The following PCDHGA8 variants were observed in gnomAD, a reference collection of about 807,000 sequenced individuals.
The protein encoded by PCDHGA8 is protocadherin gamma-A8.
PCDHGA8 carries 45 observed loss-of-function variants against 59.2 expected under a neutral mutation model. The ratio of observed to expected loss-of-function variants is 0.76; its 90% CI spans 0.60 to 0.98. The LOEUF (loss-of-function observed/expected upper bound fraction) is 0.98, where lower values mean the gene tolerates loss of function less well. Among genes scored for constraint, PCDHGA8 ranks in the 50% least tolerant of loss-of-function variants. The pLI, the probability that PCDHGA8 is intolerant of heterozygous loss-of-function variation, is 0.00. For missense variants in PCDHGA8, 1,257 were observed against 1,196.2 expected (o/e 1.05, Z -0.75); for synonymous variants, 531 against 519.0 (o/e 1.02, Z -0.32).
chr5:141,447,048 A>T (rs149112101), intron 1 of PCDHGA8, among the ~76,000 whole-genome samples: 1 of 152,066 alleles, frequency 6.6e-6, no homozygotes, highest in Non-Finnish European at 1.5e-5. Flanking sequence ...CTGGAATTCT[A>T]TTAAAATGTG....
intron 1 of PCDHGA8, chr5:141,415,483 A>G: frequency 6.2e-7 from 1 of 1,614,212 alleles, no homozygotes; most frequent in South Asian, 1.1e-5. Context: ...CTCGCGAAAG[A>G]GTCACCTGAT....
intron 1 of PCDHGA8, chr5:141,422,942 G>C (rs199976232): frequency 6.2e-7 from 1 of 1,614,214 alleles, no homozygotes; most frequent in East Asian, 2.2e-5. Flanking sequence ...CCCACAGACG[G>C]CTCCACTGGC....
chr5:141,419,018 AG>A (rs2096314197), intron 1 of PCDHGA8: 1 of 1,613,838 alleles, frequency 6.2e-7, no homozygotes, highest in African/African-American at 1.3e-5. Context: ...GTGTAGCTTA[AG>A]TAGAGGTGTT....
intron 1 of PCDHGA8, chr5:141,404,823 G>A (rs1283913930): frequency 6.2e-7 from 1 of 1,610,946 alleles, no homozygotes. Flanking sequence ...CTGCACACAG[G>A]TGAAGTGCGC....
At chr5:141,420,453 C>A (rs1026053173) in intron 1 of PCDHGA8, 76 of 977,580 alleles carry the variant, frequency 7.8e-5, no homozygotes, top group Non-Finnish European at 8.8e-5. Context: ...AGTCTTCCTA[C>A]TATTCAAAGA....
At chr5:141,412,133 C>T (rs2095537829) in intron 1 of PCDHGA8, 1 of 152,184 alleles carries the variant, frequency 6.6e-6, no homozygotes, top group African/African-American at 2.4e-5. Flanking sequence ...GGACTTTGGC[C>T]TCTGATACAA....
chr5:141,436,185 A>G (rs1324749623), intron 1 of PCDHGA8, among the ~76,000 whole-genome samples: 1 of 152,142 alleles, frequency 6.6e-6, no homozygotes, highest in Non-Finnish European at 1.5e-5. Flanking sequence ...ATATAGTCAA[A>G]TAGAAAGAAA....
Position 141,394,547 on chromosome 5 carries a change from G to T in PCDHGA8, c.1734G>T (p.Ala578=), listed in dbSNP as rs771070854. The change falls in exon 1 of 4, where the codon GCG becomes GCT. Residue 578 remains alanine, a synonymous_variant. Coordinates refer to ENST00000398604, the MANE Select transcript of PCDHGA8 (RefSeq NM_032088.2). Reference sequence around the variant, plus strand: ...ACGGTTCCACTGGCGTGGAGCTGGCGCCCCGCTCCGCAGAGCGTGGCTACC... The same window carrying T: ...ACGGTTCCACTGGCGTGGAGCTGGCTCCCCGCTCCGCAGAGCGTGGCTACC... The part of the protein sequence containing the change: ...PTDGSTGVEL[A]PRSAERGYLV... 6 of 1,614,098 alleles carry T rather than the reference G, an allele frequency of 3.7e-6. No individual in the cohort carries two copies. Among genetic ancestry groups the T allele is most frequent in the East Asian group, 2.2e-5 (1 of 44,864 alleles).
At chr5:141,401,656 T>G (rs1400500695) in intron 1 of PCDHGA8, among the ~76,000 whole-genome samples, 1 of 152,248 alleles carries the variant, frequency 6.6e-6, no homozygotes, top group East Asian at 1.9e-4. Context: ...AATGACTGGA[T>G]GTTTTCTCAA....
rs1245526846 is a variant in PCDHGA8, at chr5:141,512,505, C to T, written c.*1332C>T. ...GCCACTGCCCAGGTCCCCAGTGCGCCCCCTAGTGGCCATAGCCTGGTTAAA... is the reference window on the plus strand; with the variant it reads ...GCCACTGCCCAGGTCCCCAGTGCGCTCCCTAGTGGCCATAGCCTGGTTAAA... On this transcript the variant is annotated 3_prime_UTR_variant, in exon 4 of 4. Transcript: ENST00000398604. The T allele has an allele frequency of 1.3e-5, 2 of 152,888 alleles. No individual in the cohort carries two copies. The highest frequency in any genetic ancestry group is 4.8e-5 in the African/African-American group (2 of 41,466). 9.5% of individuals were successfully genotyped at this position (152,888 alleles called of 1,614,324 possible). A position where few individuals can be genotyped will look rare whatever the true frequency, so the allele number is the denominator to read the frequency against.
In PCDHGA8 at chr5:141,393,129, A is replaced by G; in HGVS notation, c.316A>G (p.Ile106Val). ...TCAGAGCCCGCGGTGTCTGATAAAT[A>G]TTAACACCCTGGTTGAGGATAAAGG... is the stretch of plus-strand genomic sequence containing the variant. ...CAQSPRCLININTLVEDKGKL... is the reference protein window; with the variant it reads ...CAQSPRCLINVNTLVEDKGKL... Residue 106 changes from isoleucine to valine, a missense_variant, in exon 1 of 4, where the codon ATT becomes GTT. Ile to Val is a conservative substitution (Grantham distance 29, BLOSUM62 3). Transcript: ENST00000398604. 2 of 1,613,426 alleles carry G rather than the reference A, an allele frequency of 1.2e-6. No homozygotes were observed. The highest frequency in any genetic ancestry group is 1.7e-6 in the Non-Finnish European group (2 of 1,179,900).
chr5:141,419,694 G>T, intron 1 of PCDHGA8: 2 of 1,612,974 alleles, frequency 1.2e-6, no homozygotes, highest in South Asian at 1.1e-5. Context: ...GTGCAGGCCA[G>T]TGAGCCCGGG....
intron 1 of PCDHGA8, among the ~76,000 whole-genome samples, chr5:141,449,440 C>T (rs2098639026): frequency 6.6e-6 from 1 of 151,742 alleles, no homozygotes; most frequent in Admixed American, 6.6e-5. Flanking sequence ...AACTCCATCT[C>T]TACTAAAAAT....
intron 1 of PCDHGA8, among the ~76,000 whole-genome samples, chr5:141,467,332 C>T (rs985838492): frequency 6.6e-6 from 1 of 152,124 alleles, no homozygotes; most frequent in Non-Finnish European, 1.5e-5. Context: ...GGATTAGAGA[C>T]GTAAGCCACT....
chr5:141,418,126 A>G (rs2096226975), intron 1 of PCDHGA8: 3 of 1,613,994 alleles, frequency 1.9e-6, no homozygotes, highest in Non-Finnish European at 2.5e-6. Context: ...TGAAGGACCG[A>G]ATAGACCGTG....
chr5:141,449,944 T>C (rs1375717746), intron 1 of PCDHGA8, among the ~76,000 whole-genome samples: 1 of 151,744 alleles, frequency 6.6e-6, no homozygotes, highest in Non-Finnish European at 1.5e-5. Flanking sequence ...TATATTTTAC[T>C]ATACCTCATA....
intron 1 of PCDHGA8, chr5:141,430,796 C>T (rs1347347402): frequency 6.6e-6 from 10 of 1,522,232 alleles, no homozygotes; most frequent in Non-Finnish European, 8.8e-6. Flanking sequence ...CTACAAAGGG[C>T]TTGTCCTGCT....
Position 141,400,535 on chromosome 5 carries a change from T to C in PCDHGA8, c.2424+5298T>C, listed in dbSNP as rs753705723. 2.5e-6 allele frequency: 4 copies of C among 1,613,958 alleles called. No individual in the cohort carries two copies. In the South Asian group the frequency reaches 4.4e-5, roughly 18 times the overall value. ...TCCCATCCTGAGTTGGTGAGTTTCATTTATGTCTATTCTTTTTCATTACCC... is the reference window on the plus strand; with the variant it reads ...TCCCATCCTGAGTTGGTGAGTTTCACTTATGTCTATTCTTTTTCATTACCC... On this transcript the variant is annotated intron_variant, in intron 1 of 3. Transcript: ENST00000398604.
At chr5:141,465,894 G>A (rs970043849) in intron 1 of PCDHGA8, among the ~76,000 whole-genome samples, 1 of 152,098 alleles carries the variant, frequency 6.6e-6, no homozygotes, top group Non-Finnish European at 1.5e-5. Flanking sequence ...AGGCCGAGGC[G>A]GGCAAATCAC....
Sources: gnomAD v4.1 joint callset for allele counts (sites outside exome capture counted in the v4.1 genomes callset) on GRCh38, gnomAD v4.1.1 for gene constraint, MANE v1.5 for transcripts, NCBI Gene and HGNC (gene_info 2026-07-23, HGNC 2026-07-21) for gene names.